AVEN: variants seen among roughly 807,000 people sequenced by gnomAD.
AVEN encodes apoptosis and caspase activation inhibitor.
In AVEN, 41 loss-of-function variants were observed where a neutral mutation model predicts 38.1. The observed-to-expected ratio is 1.08, with a 90% CI of 0.84 to 1.40. The LOEUF is 1.40. Among genes scored for constraint, AVEN ranks in the 40% most tolerant of loss-of-function variants. The pLI, the probability that AVEN is intolerant of heterozygous loss-of-function variation, is 0.00. For missense variants in AVEN, 605 were observed against 438.8 expected, an observed-to-expected ratio of 1.38 and a Z score of -3.38; for synonymous variants, 206 against 171.8, an observed-to-expected ratio of 1.20 and a Z score of -1.56.
At chr15:33,861,699 G>A (rs1248305361), downstream of AVEN, among the ~76,000 whole-genome samples, 1 of 152,110 alleles carries the variant, frequency 6.6e-6, no homozygotes, top group African/African-American at 2.4e-5. Context: ...CCTGTAACCT[G>A]CATGTTGCTA....
At chr15:34,032,488 T>G (rs1898901452) in intron 1 of AVEN, among the ~76,000 whole-genome samples, 1 of 152,180 alleles carries the variant, frequency 6.6e-6, no homozygotes, top group Admixed American at 6.5e-5. Context: ...TGACAAAACC[T>G]GGAAACCATA....
intron 2 of AVEN, among the ~76,000 whole-genome samples, chr15:33,884,388 C>G (rs997225024): frequency 4.6e-5 from 7 of 152,086 alleles, no homozygotes; most frequent in African/African-American, 1.7e-4. Context: ...TAAAATTATG[C>G]CTATAGTACT....
rs939370761 is a variant in AVEN at position 33,977,949 on chromosome 15, G to A, written c.445+25083C>T. Among the ~76,000 whole-genome samples the A allele has an allele frequency of 1.6e-4, 14 of 87,152 alleles. No individual in the cohort carries two copies. In the East Asian group the frequency reaches 4.9e-3, roughly 30 times the overall value. 57.2% of individuals were successfully genotyped at this position (87,152 alleles called of 152,430 possible). On this transcript the variant is annotated intron_variant, in intron 2 of 5. Coordinates refer to ENST00000306730, the MANE Select transcript of AVEN (RefSeq NM_020371.3). ...GAGCCCTGTCAAAACAGAGAAAAAA[G>A]AAAAGAAAAGAAAGAGAAAGAGAAA...
intron 2 of AVEN, among the ~76,000 whole-genome samples, chr15:34,001,281 C>T (rs537666795): frequency 6.6e-6 from 1 of 152,284 alleles, no homozygotes; most frequent in South Asian, 2.1e-4. Context: ...CTCGGCCTCC[C>T]AAAGTGCTGG....
At chr15:33,864,206 C>T (rs773452745), downstream of AVEN, 2 of 1,595,770 alleles carry the variant, frequency 1.3e-6, no homozygotes, top group Non-Finnish European at 8.6e-7. Flanking sequence ...AATTAAGAAT[C>T]ATATACCCGT....
intron 2 of AVEN, among the ~76,000 whole-genome samples, chr15:33,933,524 C>CACACACACACACACAGAGAGAGAG (rs1893945145): frequency 2.4e-4 from 11 of 46,646 alleles, no homozygotes; most frequent in East Asian, 7.1e-4. Context: ...CACACACACA[C>CACACACACACACACAGAGAGAGAG]AGAGAGAGAG....
At chr15:34,016,289 C>T (rs1268504507) in intron 1 of AVEN, among the ~76,000 whole-genome samples, 1 of 152,194 alleles carries the variant, frequency 6.6e-6, no homozygotes, top group East Asian at 1.9e-4. Flanking sequence ...CTAGGTTCTG[C>T]ATTAGAATGA....
downstream of AVEN, among the ~76,000 whole-genome samples, chr15:33,863,733 C>G (rs2153025256): frequency 6.6e-6 from 1 of 152,316 alleles, no homozygotes; most frequent in Middle Eastern, 3.4e-3. Context: ...ATTCTTGAGA[C>G]ACACACATAA....
At chr15:33,965,275 A>G (rs187007693) in intron 2 of AVEN, among the ~76,000 whole-genome samples, 1 of 152,328 alleles carries the variant, frequency 6.6e-6, no homozygotes, top group Non-Finnish European at 1.5e-5. Flanking sequence ...AACAGCTTCC[A>G]TAAGTCCACA....
chr15:33,958,948 G>A (rs1274679428), intron 2 of AVEN, among the ~76,000 whole-genome samples: 1 of 152,086 alleles, frequency 6.6e-6, no homozygotes, highest in Non-Finnish European at 1.5e-5. Flanking sequence ...AAAACCTTTG[G>A]TGACCTGCTT....
intron 4 of AVEN, chr15:34,064,002 C>G (rs772971999): frequency 1.9e-6 from 3 of 1,614,176 alleles, no homozygotes; most frequent in Non-Finnish European, 2.5e-6. Context: ...AATGACCAAA[C>G]GAAAGAGAGT....
rs1896801923 is a variant in AVEN, at chr15:33,993,226, C to G, written c.445+9806G>C. Among the ~76,000 whole-genome samples, 6 of 152,232 alleles carry G rather than the reference C, an allele frequency of 3.9e-5. No homozygotes were observed. The South Asian group carries it at 1.0e-3, about 26-fold the overall frequency. On this transcript the variant is annotated intron_variant, in intron 2 of 5. Transcript: ENST00000306730. The stretch of plus-strand genomic sequence containing the variant: ...TACGTTTGAAGGTAAGAGTGGGGTG[C>G]CATTTTCAAAGCTCTTGAAACGTAA...
chr15:33,926,013 C>T (rs8026003), intron 2 of AVEN, among the ~76,000 whole-genome samples: 94,581 of 152,022 alleles, frequency 0.62, 30,023 homozygotes, highest in East Asian at 0.75. Context: ...TGCTGTTTTT[C>T]CAAGACGCCA....
intron 2 of AVEN, among the ~76,000 whole-genome samples, chr15:33,922,277 C>G (rs1893425172): frequency 6.6e-6 from 1 of 152,134 alleles, no homozygotes; most frequent in South Asian, 2.1e-4. Context: ...GCCCTTGTAC[C>G]TTAAATCTGG....
chr15:34,060,564 G>A (rs1358784972), intron 5 of AVEN, among the ~76,000 whole-genome samples: 1 of 152,168 alleles, frequency 6.6e-6, no homozygotes, highest in Non-Finnish European at 1.5e-5. Context: ...TGCCCACATG[G>A]GGTATTTTAA....
chr15:34,003,304 T>C, intron 1 of AVEN, 95 bp from the exon 2 acceptor site: 1 of 1,000,696 alleles, frequency 1.0e-6, no homozygotes, highest in African/African-American at 1.6e-5. Context: ...GACATAACAA[T>C]AAAAAGCAAT....
intron 2 of AVEN, among the ~76,000 whole-genome samples, chr15:34,002,276 A>C (rs1332707939): frequency 6.6e-6 from 1 of 152,198 alleles, no homozygotes; most frequent in Non-Finnish European, 1.5e-5. Flanking sequence ...CAGTGTCAGC[A>C]TCCCAGGGAT....
chr15:33,918,641 A>G (rs924225801), intron 2 of AVEN, among the ~76,000 whole-genome samples: 1 of 151,374 alleles, frequency 6.6e-6, no homozygotes, highest in Non-Finnish European at 1.5e-5. Flanking sequence ...TTTAGCAGAG[A>G]TGGGGGTTTC....
At chr15:33,992,475 CTTG>C (rs1250264906) in intron 2 of AVEN, among the ~76,000 whole-genome samples, 5 of 152,078 alleles carry the variant, frequency 3.3e-5, no homozygotes, top group African/African-American at 1.2e-4. Context: ...CGGAGTTTTC[CTTG>C]TTTTTATTTT....
Sources: gnomAD v4.1 joint callset for allele counts (sites outside exome capture counted in the v4.1 genomes callset) on GRCh38, gnomAD v4.1.1 for gene constraint, MANE v1.5 for transcripts, NCBI Gene and HGNC (gene_info 2026-07-23, HGNC 2026-07-21) for gene names.